Variants in STAG1 observed in about 807,000 individuals in gnomAD.
The protein encoded by STAG1 is STAG1 cohesin complex component.
STAG1 carries 26 observed loss-of-function variants against 170.9 expected under a neutral mutation model. The observed-to-expected ratio is 0.15, with a 90% CI of 0.11 to 0.21. The LOEUF is 0.21. Ranked by LOEUF, STAG1 falls within the 10% of genes least tolerant of loss-of-function variation. STAG1 has a pLI of 1.00. For missense variants in STAG1, 964 were observed against 1,509.5 expected, an observed-to-expected ratio of 0.64 and a Z score of 5.99; for synonymous variants, 514 against 497.7, an observed-to-expected ratio of 1.03 and a Z score of -0.44.
At chr3:136,507,531 A>T (rs1023337528) in intron 7 of STAG1, among the ~76,000 whole-genome samples, 3 of 150,732 alleles carry the variant, frequency 2.0e-5, no homozygotes, top group Non-Finnish European at 4.4e-5. Flanking sequence ...CCAGCTAATT[A>T]AAAAAAAAAT....
In STAG1 at chr3:136,373,024, G is replaced by C. The variant is rs548653872; in HGVS notation, c.2371-3742C>G. Among the ~76,000 whole-genome samples, 11 of 152,264 alleles carry C rather than the reference G, an allele frequency of 7.2e-5. No homozygotes were observed. The South Asian group carries it at 2.3e-3, about 32-fold the overall frequency. On this transcript the variant is annotated intron_variant, in intron 23 of 33. Coordinates refer to ENST00000383202, the MANE Select transcript of STAG1 (RefSeq NM_005862.3). ...GCTATTAATTATTGCCTCAATTTCA[G>C]AGCCTGTTATTGGTCTATTCAGAGA... is the stretch of plus-strand genomic sequence containing the variant.
chr3:136,515,912 T>C (rs1402309893), intron 7 of STAG1, among the ~76,000 whole-genome samples: 1 of 152,078 alleles, frequency 6.6e-6, no homozygotes, highest in Non-Finnish European at 1.5e-5. Context: ...TGAATAAAGA[T>C]TTTATATCTG....
chr3:136,644,256 AT>A (rs1458417896), intron 1 of STAG1, among the ~76,000 whole-genome samples: 2 of 152,234 alleles, frequency 1.3e-5, no homozygotes, highest in African/African-American at 4.8e-5. Context: ...GAACTGGAGT[AT>A]TCCCCCAACA....
chr3:136,472,795 T>C (rs1438139019), intron 11 of STAG1, among the ~76,000 whole-genome samples: 1 of 152,214 alleles, frequency 6.6e-6, no homozygotes, highest in Non-Finnish European at 1.5e-5. Flanking sequence ...GTAAGCCTTC[T>C]TCCAAAGGTA....
chr3:136,627,901 TCTC>T (rs1276504604), intron 2 of STAG1, among the ~76,000 whole-genome samples: 2 of 152,146 alleles, frequency 1.3e-5, no homozygotes, highest in Non-Finnish European at 2.9e-5. Context: ...GCAACATCCT[TCTC>T]CTGACAGGTC....
chr3:136,636,121 G>C (rs900665401), intron 1 of STAG1, among the ~76,000 whole-genome samples: 6 of 151,888 alleles, frequency 4.0e-5, no homozygotes, highest in African/African-American at 1.5e-4. Context: ...GGTGGTACGC[G>C]CCTGTAATCC....
At chr3:136,690,094 G>T (rs1282065089) in intron 1 of STAG1, among the ~76,000 whole-genome samples, 1 of 135,926 alleles carries the variant, frequency 7.4e-6, no homozygotes, top group Non-Finnish European at 1.6e-5. Flanking sequence ...AGAAAAGAGA[G>T]AAAAAAGTCT....
intron 6 of STAG1, among the ~76,000 whole-genome samples, chr3:136,523,649 T>C (rs1934819163): frequency 6.6e-6 from 1 of 152,248 alleles, no homozygotes; most frequent in South Asian, 2.1e-4. Context: ...TTTTGGTGTT[T>C]TAGACGTGAA....
chr3:136,475,137 CCTTTT>C lies in STAG1; in HGVS notation c.1027-1505_1027-1501del, dbSNP rs57576938. On this transcript the variant is annotated intron_variant, in intron 10 of 33. Coordinates refer to ENST00000383202, the MANE Select transcript of STAG1 (RefSeq NM_005862.3). Reference sequence around the variant, plus strand: ...TACTTTCCTCACTTTTTTATAGGTTCCTTTTTTTTTTTTTTTTTTTTTTTTTGAGG... The same window carrying C: ...TACTTTCCTCACTTTTTTATAGGTTCTTTTTTTTTTTTTTTTTTTTTGAGG... 7.4e-3 allele frequency among the ~76,000 whole-genome samples: 775 copies of C among 105,118 alleles called. 3 individuals are homozygous for C. Among genetic ancestry groups the C allele is most frequent in the Non-Finnish European group, 0.012 (631 of 50,852 alleles). 69.0% of individuals were successfully genotyped at this position (105,118 alleles called of 152,430 possible). A position where few individuals can be genotyped will look rare whatever the true frequency, so the allele number is the denominator to read the frequency against.
chr3:136,527,093 G>A (rs1020457104), intron 6 of STAG1, among the ~76,000 whole-genome samples: 5 of 152,162 alleles, frequency 3.3e-5, no homozygotes, highest in African/African-American at 9.7e-5. Flanking sequence ...TTCTCAAGGA[G>A]TATCTTCATG....
chr3:136,750,521 C>G (rs1935174811), intron 1 of STAG1, among the ~76,000 whole-genome samples: 1 of 152,196 alleles, frequency 6.6e-6, no homozygotes, highest in African/African-American at 2.4e-5. Flanking sequence ...CAACAAACTT[C>G]CATATTTTGC....
At chr3:136,378,700 C>G (rs993373999) in intron 22 of STAG1, among the ~76,000 whole-genome samples, 1 of 152,148 alleles carries the variant, frequency 6.6e-6, no homozygotes, top group African/African-American at 2.4e-5. Context: ...TGCTTACAAC[C>G]CACCAGGCAC....
chr3:136,388,290 A>G (rs2086919900), intron 22 of STAG1, among the ~76,000 whole-genome samples: 3 of 152,176 alleles, frequency 2.0e-5, no homozygotes, highest in African/African-American at 7.2e-5. Context: ...GTAAAAATTC[A>G]AACTCAATTT....
intron 14 of STAG1, among the ~76,000 whole-genome samples, chr3:136,450,684 T>C (rs1032706012): frequency 2.0e-5 from 3 of 152,212 alleles, no homozygotes; most frequent in African/African-American, 7.2e-5. Flanking sequence ...ACAAATAAAA[T>C]TGAGAGTCCT....
intron 6 of STAG1, among the ~76,000 whole-genome samples, chr3:136,527,398 T>C (rs1260506373): frequency 6.6e-6 from 1 of 152,228 alleles, no homozygotes; most frequent in East Asian, 1.9e-4. Flanking sequence ...CTACTGAAGC[T>C]TGTGCATTTG....
intron 23 of STAG1, among the ~76,000 whole-genome samples, chr3:136,371,465 C>G (rs1937335400): frequency 6.6e-6 from 1 of 152,278 alleles, no homozygotes; most frequent in South Asian, 2.1e-4. Context: ...CCTAGGTTTT[C>G]TTCTAGGGTT....
chr3:136,453,807 T>C (rs1400298867), intron 13 of STAG1, among the ~76,000 whole-genome samples: 3 of 148,696 alleles, frequency 2.0e-5, no homozygotes, highest in Non-Finnish European at 3.0e-5. Flanking sequence ...TACATAAAAG[T>C]CAGAGTAGGC....
chr3:136,612,443 A>C (rs1939345708), intron 3 of STAG1, among the ~76,000 whole-genome samples: 1 of 152,136 alleles, frequency 6.6e-6, no homozygotes, highest in Admixed American at 6.6e-5. Flanking sequence ...CCTTCTCTAC[A>C]AAAAAATAAA....
chr3:136,518,273 A>G (rs1934484961), intron 7 of STAG1: 1 of 618,408 alleles, frequency 1.6e-6, no homozygotes, highest in Non-Finnish European at 2.9e-6. Flanking sequence ...CTCAGCTAAG[A>G]TTTAAGCAAT....
Sources: gnomAD v4.1 joint callset for allele counts (sites outside exome capture counted in the v4.1 genomes callset) on GRCh38, gnomAD v4.1.1 for gene constraint, MANE v1.5 for transcripts, NCBI Gene and HGNC (gene_info 2026-07-23, HGNC 2026-07-21) for gene names.